The following MSANTD2 variants were observed in gnomAD, a reference collection of about 807,000 sequenced individuals.
MSANTD2 encodes myb/SANT-like DNA-binding domain-containing protein 2.
Under a neutral mutation model 52.6 loss-of-function variants are expected in MSANTD2, and 19 were observed. That is an observed-to-expected ratio of 0.36 (90% confidence interval 0.25 to 0.53). The LOEUF (loss-of-function observed/expected upper bound fraction) is 0.53. MSANTD2 is among the 20% of genes least tolerant of loss of function. The pLI is 0.91. For missense variants in MSANTD2, 558 were observed against 716.3 expected, an observed-to-expected ratio of 0.78 and a Z score of 2.52; for synonymous variants, 291 against 289.7, an observed-to-expected ratio of 1.00 and a Z score of -0.04.
intron 1 of MSANTD2, chr11:124,784,482 A>T: frequency 2.1e-6 from 2 of 975,600 alleles, no homozygotes; most frequent in Non-Finnish European, 2.4e-6. Flanking sequence ...TAAAAATTAA[A>T]CCCCCCCCCC....
At chr11:124,782,654 A>G (rs1038707808) in intron 1 of MSANTD2, among the ~76,000 whole-genome samples, 1 of 152,168 alleles carries the variant, frequency 6.6e-6, no homozygotes, top group African/African-American at 2.4e-5. Flanking sequence ...ATTTCACTAG[A>G]TTGTAAGCTC....
intron 1 of MSANTD2, among the ~76,000 whole-genome samples, chr11:124,795,015 A>G (rs1210756002): frequency 6.6e-6 from 1 of 152,168 alleles, no homozygotes; most frequent in African/African-American, 2.4e-5. Flanking sequence ...AGGAGCTGTA[A>G]CTACAAGTGT....
rs1211073885 is a variant in MSANTD2 at position 124,767,330 on chromosome 11, C to T, written c.1526G>A (p.Gly509Glu). 3.7e-6 allele frequency: 6 copies of T among 1,614,072 alleles called. No homozygotes were observed. The Admixed American group carries it at 8.3e-5, about 22-fold the overall frequency. The stretch of plus-strand genomic sequence containing the variant: ...CACAATACAGTTCTGAGACAAAAAC[C>T]CGTTAATACCAACCCAATCTTTGCT... ...TFSKDWVGIN[G>E]FLSQNCIVDP... is the part of the protein sequence containing the mutation. Residue 509 changes from glycine to glutamate, a missense_variant, in exon 4 of 4, where the codon GGG becomes GAG. Gly to Glu is a moderately conservative substitution (Grantham distance 98). This residue lies in a region of MSANTD2 where 408 missense variants were observed against 573.6 expected (regional missense o/e 0.71). Transcript: ENST00000374979. The surrounding 1 kb of genome is among the most constrained non-coding windows in gnomAD (Gnocchi z 6.5).
rs577321316 is a variant in MSANTD2, at chr11:124,775,262, A to G, written c.511-288T>C. 8.0e-5 allele frequency: 18 copies of G among 225,048 alleles called. No homozygotes were observed. The East Asian group carries it at 1.0e-3, about 13-fold the overall frequency. The allele number at this position is 225,048 out of a possible 1,614,324, so 13.9% of individuals were successfully genotyped here. A position where few individuals can be genotyped will look rare whatever the true frequency, so the allele number is the denominator to read the frequency against. On this transcript the variant is annotated intron_variant, in intron 1 of 3. Transcript: ENST00000374979. ...CCCATACACATATTTTTATACCCCCACCCCCATTTAAAAAGAATAAGGGGG... is the reference window on the plus strand; with the variant it reads ...CCCATACACATATTTTTATACCCCCGCCCCCATTTAAAAAGAATAAGGGGG...
intron 1 of MSANTD2, among the ~76,000 whole-genome samples, chr11:124,787,871 T>C (rs368986937): frequency 1.2e-4 from 18 of 151,988 alleles, no homozygotes; most frequent in Non-Finnish European, 1.9e-4. Flanking sequence ...AGTGGGCAGA[T>C]TGCTTGAGCC....
chr11:124,769,588 G>C (rs1171188719), intron 3 of MSANTD2, among the ~76,000 whole-genome samples: 1 of 152,194 alleles, frequency 6.6e-6, no homozygotes, highest in Non-Finnish European at 1.5e-5. Context: ...CTATGCTAAG[G>C]AGTTGGGATG....
Position 124,795,526 on chromosome 11 carries a change from C to T in MSANTD2, c.510+4345G>A, listed in dbSNP as rs539384433. Among the ~76,000 whole-genome samples, 3 of 152,268 alleles carry T rather than the reference C, an allele frequency of 2.0e-5. No homozygotes were observed. The East Asian group carries it at 5.8e-4, about 30-fold the overall frequency. On this transcript the variant is annotated intron_variant, in intron 1 of 3. Coordinates refer to ENST00000374979, the MANE Select transcript of MSANTD2 (RefSeq NM_001308027.2). ...TGGTCACTCCTTTGAAGTCATCACA[C>T]TTATAGTCTGCTTTAGGCAAATAAC...
intron 1 of MSANTD2, chr11:124,791,283 C>T (rs1275874949): frequency 4.1e-6 from 6 of 1,455,442 alleles, no homozygotes; most frequent in Non-Finnish European, 5.8e-6. Flanking sequence ...ACTCCATGCC[C>T]TCCTAGAACT....
chr11:124,778,440 G>A (rs957402976), intron 1 of MSANTD2, among the ~76,000 whole-genome samples: 2 of 152,156 alleles, frequency 1.3e-5, no homozygotes, highest in African/African-American at 4.8e-5. Flanking sequence ...AAATCTCCCC[G>A]GTAAATTGAC....
chr11:124,780,376 A>C (rs1944913614), intron 1 of MSANTD2, among the ~76,000 whole-genome samples: 1 of 152,210 alleles, frequency 6.6e-6, no homozygotes, highest in South Asian at 2.1e-4. Context: ...TTTAAAACCA[A>C]CCAAACAAAA....
rs1565457750 is a variant in MSANTD2, at chr11:124,779,620, GT to G, written c.511-4647del. Reference sequence around the variant, plus strand: ...TCTAAGATGTCAGATGAAAAATAAAGTCAATCTGCAAGGAGGACAGCTTAGT... The same window carrying G: ...TCTAAGATGTCAGATGAAAAATAAAGCAATCTGCAAGGAGGACAGCTTAGT... On this transcript the variant is annotated intron_variant, in intron 1 of 3. Coordinates refer to ENST00000374979, the MANE Select transcript of MSANTD2 (RefSeq NM_001308027.2). This position sits in a 1 kb window ranked among gnomAD's most constrained non-coding sequence, Gnocchi z 4.6. Among the ~76,000 whole-genome samples, 1 of 152,182 alleles carries G rather than the reference GT, an allele frequency of 6.6e-6. No individual in the cohort carries two copies. Among genetic ancestry groups the G allele is most frequent in the East Asian group, 1.9e-4 (1 of 5,208 alleles).
chr11:124,799,415 C>T (rs769050760), intron 1 of MSANTD2, among the ~76,000 whole-genome samples: 1 of 152,214 alleles, frequency 6.6e-6, no homozygotes, highest in Non-Finnish European at 1.5e-5. Context: ...CCGCTACGGC[C>T]ACTTATTAAC....
chr11:124,795,356 A>C (rs1945461102), intron 1 of MSANTD2, among the ~76,000 whole-genome samples: 1 of 152,222 alleles, frequency 6.6e-6, no homozygotes, highest in Non-Finnish European at 1.5e-5. Context: ...AACACCCAAA[A>C]ATATGGGACT....
At chr11:124,771,229 T>G (rs1292875559) in intron 3 of MSANTD2, among the ~76,000 whole-genome samples, 2 of 152,170 alleles carry the variant, frequency 1.3e-5, no homozygotes, top group East Asian at 3.9e-4. Flanking sequence ...GATGTCACAC[T>G]CCTAAAAGAC....
intron 1 of MSANTD2, chr11:124,791,586 G>A (rs928288879): frequency 1.8e-5 from 25 of 1,427,210 alleles, no homozygotes; most frequent in Non-Finnish European, 2.3e-5. Flanking sequence ...CAGTCTCCGA[G>A]GAGTAAGCCC....
Position 124,800,022 on chromosome 11 carries a change from C to G in MSANTD2, c.359G>C (p.Arg120Pro). 1 of 1,583,026 alleles carries G rather than the reference C, an allele frequency of 6.3e-7. No homozygotes were observed. Among genetic ancestry groups the G allele is most frequent in the South Asian group, 1.1e-5 (1 of 89,126 alleles). ...NALIAVWGNE[R>P]LVEARYQQLE... ...CTGCTGGTACCGCGCCTCCACCAGC[C>G]GCTCGTTGCCCCACACTGCGATGAG... Residue 120 changes from arginine (R) to proline (P), a missense_variant, in exon 1 of 4, where the codon CGG (arginine) becomes CCG (proline). Arg to Pro is a moderately radical substitution (Grantham distance 103). Coordinates refer to ENST00000374979, the MANE Select transcript of MSANTD2 (RefSeq NM_001308027.2). The surrounding 1 kb of genome is among the most constrained non-coding windows in gnomAD (Gnocchi z 4.3).
chr11:124,768,122 T>G (rs1396938485), intron 3 of MSANTD2, 94 bp from the exon 4 acceptor site: 2 of 1,198,820 alleles, frequency 1.7e-6, no homozygotes, highest in Non-Finnish European at 2.3e-6. Context: ...CTGTATCTGC[T>G]GCCCAATATG....
Position 124,800,211 on chromosome 11 carries a change from C to A in MSANTD2, c.170G>T (p.Gly57Val), listed in dbSNP as rs1945653024. 1.3e-6 allele frequency: 2 copies of A among 1,484,846 alleles called. No homozygotes were observed. The highest frequency in any genetic ancestry group is 3.0e-5 in the East Asian group (1 of 33,616). The allele number at this position is 1,484,846 out of a possible 1,614,324, so 92.0% of individuals were successfully genotyped here. A position where few individuals can be genotyped will look rare whatever the true frequency, so the allele number is the denominator to read the frequency against. The change falls in exon 1 of 4, where the codon GGC becomes GTC. Residue 57 changes from glycine to valine, a missense_variant. Physicochemically the swap from Gly to Val is moderately radical, Grantham distance 109. Around this residue, in one of 2 missense-constraint regions of MSANTD2, gnomAD observed 150 missense variants for 142.7 expected, o/e 1.05. Coordinates refer to ENST00000374979, the MANE Select transcript of MSANTD2 (RefSeq NM_001308027.2). This position sits in a 1 kb window ranked among gnomAD's most constrained non-coding sequence, Gnocchi z 4.3. ...ASPLGPGSAA[G>V]SGAAASGGLG... ...ACCCCCGGACGCCGCTGCCCCCGAG[C>A]CCGCCGCACTGCCCGGCCCGAGCGG...
In MSANTD2 at chr11:124,767,667, T is replaced by C. The variant is rs777608881; in HGVS notation, c.1189A>G (p.Ile397Val). ...CCACCAGTTGGTTTGGAGTGGGCAA[T>C]GGGTATCCAGTCAATTTCCATGTGC... ...ELHMEIDWIPIAHSKPTGGNV... is the reference protein window; with the variant it reads ...ELHMEIDWIPVAHSKPTGGNV... Residue 397 changes from isoleucine to valine, a missense_variant, in exon 4 of 4, where the codon ATT (isoleucine) becomes GTT (valine). By Grantham distance (29) the Ile-to-Val change is conservative (BLOSUM62 3). Around this residue, in one of 2 missense-constraint regions of MSANTD2, gnomAD observed 408 missense variants for 573.6 expected, o/e 0.71. Coordinates refer to ENST00000374979, the MANE Select transcript of MSANTD2 (RefSeq NM_001308027.2). This position sits in a 1 kb window ranked among gnomAD's most constrained non-coding sequence, Gnocchi z 6.5. 24 of 1,614,236 alleles carry C rather than the reference T, an allele frequency of 1.5e-5. No individual in the cohort carries two copies. Among genetic ancestry groups the C allele is most frequent in the Non-Finnish European group, 1.9e-5 (23 of 1,180,042 alleles).
Sources: allele counts gnomAD v4.1 joint callset (sites outside exome capture counted in the v4.1 genomes callset), GRCh38; gene constraint gnomAD v4.1.1; regional missense constraint gnomAD v4.1.1; non-coding constraint Gnocchi (gnomAD v3.1); transcripts MANE v1.5; gene names NCBI Gene and HGNC (gene_info 2026-07-23, HGNC 2026-07-21).